Variants in RAB7A observed in about 807,000 individuals in gnomAD.
The protein encoded by RAB7A is ras-related protein Rab-7a.
A neutral mutation model predicts 24.5 loss-of-function variants in RAB7A; 2 were observed. The observed-to-expected ratio is 0.08, with a 90% CI of 0.03 to 0.26. The LOEUF (loss-of-function observed/expected upper bound fraction) is 0.26, where lower values mean the gene tolerates loss of function less well. Ranked by LOEUF, RAB7A falls within the 10% of genes least tolerant of loss-of-function variation. The probability of loss-of-function intolerance (pLI) is 1.00; values close to 1 mark genes in which losing one functional copy is unlikely to be tolerated. For missense variants in RAB7A, 118 were observed against 255.7 expected, an observed-to-expected ratio of 0.46 and a Z score of 3.67; for synonymous variants, 100 against 95.9, an observed-to-expected ratio of 1.04 and a Z score of -0.25.
chr3:128,785,011 T>C (rs942803724), intron 1 of RAB7A: 2 of 150,244 alleles, frequency 1.3e-5, no homozygotes, highest in African/African-American at 4.9e-5. Flanking sequence ...AGTGATGCAA[T>C]CCCAGCTCAC....
At chr3:128,783,107 C>G (rs539947900) in intron 1 of RAB7A, among the ~76,000 whole-genome samples, 103 of 152,222 alleles carry the variant, frequency 6.8e-4, no homozygotes, top group Admixed American at 3.1e-3. Context: ...GTCCACTGTC[C>G]CTGCACAATT....
chr3:128,795,751 C>CTTTGTTTTTTTTTTTT (rs1933555206), intron 2 of RAB7A, among the ~76,000 whole-genome samples: 1 of 43,032 alleles, frequency 2.3e-5, no homozygotes, highest in Non-Finnish European at 4.7e-5. Context: ...AGCAGATGTG[C>CTTTGTTTTTTTTTTTT]TTTTTTTTTT....
chr3:128,729,495 A>C (rs2070412851), intron 1 of RAB7A, among the ~76,000 whole-genome samples: 1 of 150,946 alleles, frequency 6.6e-6, no homozygotes, highest in Non-Finnish European at 1.5e-5. Flanking sequence ...GCGTGAACCC[A>C]GGAGGCAGGG....
intron 1 of RAB7A, among the ~76,000 whole-genome samples, chr3:128,785,986 A>G (rs1205921824): frequency 7.2e-5 from 11 of 152,156 alleles, no homozygotes; most frequent in Admixed American, 5.9e-4. Flanking sequence ...TAATTCCACA[A>G]AAGTGGCTTG....
chr3:128,747,775 G>A (rs1194988718), intron 1 of RAB7A, among the ~76,000 whole-genome samples: 3 of 149,942 alleles, frequency 2.0e-5, no homozygotes, highest in African/African-American at 7.6e-5. Context: ...GTTTTGTTTT[G>A]TTTTGTTTTT....
intron 1 of RAB7A, among the ~76,000 whole-genome samples, chr3:128,789,672 A>T (rs1933413861): frequency 6.6e-6 from 1 of 152,050 alleles, no homozygotes; most frequent in Non-Finnish European, 1.5e-5. Context: ...TCAGAAATCC[A>T]TGAAGATGGA....
At chr3:128,749,321 A>T (rs759536962) in intron 1 of RAB7A, 5 of 152,134 alleles carry the variant, frequency 3.3e-5, no homozygotes, top group Non-Finnish European at 5.9e-5. Flanking sequence ...CAGGACCTTC[A>T]TTATACTGAA....
At chr3:128,783,214 G>A (rs192636329) in intron 1 of RAB7A, among the ~76,000 whole-genome samples, 2,588 of 27,434 alleles carry the variant, frequency 0.094, 40 homozygotes, top group Middle Eastern at 0.22. Context: ...CCGCCCCCCC[G>A]CCCCCCACAA....
chr3:128,775,376 G>T (rs1933064164), intron 1 of RAB7A, among the ~76,000 whole-genome samples: 1 of 152,214 alleles, frequency 6.6e-6, no homozygotes, highest in African/African-American at 2.4e-5. Context: ...CACTAGCAGA[G>T]AAGAGGACAC....
At chr3:128,728,529 G>C (rs116142295) in intron 1 of RAB7A, among the ~76,000 whole-genome samples, 6,317 of 152,204 alleles carry the variant, frequency 0.042, 180 homozygotes, top group Non-Finnish European at 0.058. Flanking sequence ...ATAGCGCGAT[G>C]TCGGCTCACT....
intron 1 of RAB7A, among the ~76,000 whole-genome samples, chr3:128,746,704 A>G (rs1364912180): frequency 6.6e-6 from 1 of 150,966 alleles, no homozygotes; most frequent in Non-Finnish European, 1.5e-5. Context: ...AATTTTTTGT[A>G]TTTTTTAGTA....
intron 1 of RAB7A, among the ~76,000 whole-genome samples, chr3:128,771,767 C>T (rs1197431126): frequency 6.6e-6 from 1 of 152,192 alleles, no homozygotes; most frequent in African/African-American, 2.4e-5. Flanking sequence ...CTGGGAGTCT[C>T]TTCGTTCTGT....
At chr3:128,726,523 G>C (rs1311955092) in intron 1 of RAB7A, among the ~76,000 whole-genome samples, 164 bp downstream of exon 1, 1 of 152,122 alleles carries the variant, frequency 6.6e-6, no homozygotes, top group Non-Finnish European at 1.5e-5. Flanking sequence ...AGCAGGCCAA[G>C]ACCCCACCCG....
At chr3:128,793,995 C>G (rs1458431546) in intron 1 of RAB7A, among the ~76,000 whole-genome samples, 4 of 152,214 alleles carry the variant, frequency 2.6e-5, no homozygotes, top group Non-Finnish European at 5.9e-5. Context: ...AGGATGGTTA[C>G]TTTCAAGAGC....
intron 1 of RAB7A, among the ~76,000 whole-genome samples, chr3:128,736,157 C>CTT (rs774755621): frequency 2.8e-5 from 4 of 144,204 alleles, no homozygotes; most frequent in African/African-American, 1.0e-4. Context: ...TGATTTGTCT[C>CTT]TTTTTTTTTT....
chr3:128,775,080 C>A (rs1292924600), intron 1 of RAB7A, among the ~76,000 whole-genome samples: 1 of 152,232 alleles, frequency 6.6e-6, no homozygotes, highest in Non-Finnish European at 1.5e-5. Context: ...CTGCGCCCGG[C>A]CGACATCCCT....
intron 1 of RAB7A, among the ~76,000 whole-genome samples, chr3:128,781,243 T>G (rs915536573): frequency 2.0e-5 from 3 of 152,208 alleles, no homozygotes; most frequent in Non-Finnish European, 4.4e-5. Flanking sequence ...ATATTTTTCA[T>G]TTAAGTTAGA....
intron 1 of RAB7A, among the ~76,000 whole-genome samples, chr3:128,791,387 T>C (rs1440659124): frequency 1.3e-5 from 2 of 152,170 alleles, no homozygotes; most frequent in Non-Finnish European, 2.9e-5. Flanking sequence ...GTGATTCACC[T>C]TCCTTGGCCT....
At chr3:128,764,322 A>G (rs2070806075) in intron 1 of RAB7A, 1 of 546,010 alleles carries the variant, frequency 1.8e-6, no homozygotes, top group Non-Finnish European at 3.3e-6. Flanking sequence ...AAATTTCTTT[A>G]TTTGAAGGAA....
Sources: gnomAD v4.1 joint callset for allele counts (sites outside exome capture counted in the v4.1 genomes callset) on GRCh38, gnomAD v4.1.1 for gene constraint, MANE v1.5 for transcripts, NCBI Gene and HGNC (gene_info 2026-07-23, HGNC 2026-07-21) for gene names.